PTCHD4: variants seen among roughly 807,000 people sequenced by gnomAD.
PTCHD4 encodes the protein patched domain-containing protein 4.
Under a neutral mutation model 58.1 loss-of-function variants are expected in PTCHD4, and 33 were observed. That is an observed-to-expected ratio of 0.57 (90% CI 0.43 to 0.76). The LOEUF (loss-of-function observed/expected upper bound fraction) is 0.76. Ranked by LOEUF, PTCHD4 falls within the 30% of genes least tolerant of loss-of-function variation. PTCHD4 has a pLI of 0.00. For missense variants in PTCHD4, 1,058 were observed against 1,027.1 expected (o/e 1.03, Z -0.41); for synonymous variants, 478 against 409.6 (o/e 1.17, Z -2.02).
At chr6:47,987,389 CTAAACT>C (rs979286413) in intron 4 of PTCHD4, among the ~76,000 whole-genome samples, 1 of 149,212 alleles carries the variant, frequency 6.7e-6, no homozygotes, top group Non-Finnish European at 1.5e-5. Flanking sequence ...CACAAGTACC[CTAAACT>C]TAAAGTATAA....
At chr6:47,963,755 G>A (rs1767185897) in intron 4 of PTCHD4, among the ~76,000 whole-genome samples, 1 of 152,196 alleles carries the variant, frequency 6.6e-6, no homozygotes, top group African/African-American at 2.4e-5. Context: ...ACCCACTCAA[G>A]TGTGCTGATT....
chr6:47,983,110 G>A (rs1378084747), intron 4 of PTCHD4, among the ~76,000 whole-genome samples: 2 of 152,124 alleles, frequency 1.3e-5, no homozygotes, highest in Admixed American at 6.5e-5. Context: ...ATTTCTGCAA[G>A]TTAGGGTAAA....
At chr6:47,961,591 GCTAACAAAGTAAATTT>G (rs1422155907) in intron 4 of PTCHD4, among the ~76,000 whole-genome samples, 1 of 152,002 alleles carries the variant, frequency 6.6e-6, no homozygotes, top group Non-Finnish European at 1.5e-5. Flanking sequence ...ACCTTGCCTG[GCTAACAAAGTAAATTT>G]CAATGTAAAG....
intron 4 of PTCHD4, among the ~76,000 whole-genome samples, chr6:47,894,080 C>G (rs1764458615): frequency 6.6e-6 from 1 of 152,200 alleles, no homozygotes; most frequent in South Asian, 2.1e-4. Flanking sequence ...GGGCAGCCAG[C>G]TGAGTTCTAT....
chr6:48,067,147 T>C (rs1282501440), intron 3 of PTCHD4, among the ~76,000 whole-genome samples: 1 of 152,196 alleles, frequency 6.6e-6, no homozygotes, highest in Non-Finnish European at 1.5e-5. Context: ...AATGGTGCAG[T>C]GACTCTTTTG....
intron 4 of PTCHD4, among the ~76,000 whole-genome samples, chr6:47,940,532 A>C (rs1766174785): frequency 6.6e-6 from 1 of 152,228 alleles, no homozygotes; most frequent in African/African-American, 2.4e-5. Flanking sequence ...TTATACCATA[A>C]AGCATTAGCC....
intron 1 of PTCHD4, among the ~76,000 whole-genome samples, chr6:48,073,403 C>T (rs1468515372): frequency 6.6e-6 from 1 of 152,136 alleles, no homozygotes; most frequent in Admixed American, 6.5e-5. Context: ...ATTATTTGGT[C>T]CTGTTTGTTC....
intron 4 of PTCHD4, among the ~76,000 whole-genome samples, chr6:47,891,410 C>T (rs940354723): frequency 1.3e-5 from 2 of 151,574 alleles, no homozygotes; most frequent in Admixed American, 6.6e-5. Flanking sequence ...CGGCATGAAC[C>T]GAGACAAAAC....
intron 1 of PTCHD4, among the ~76,000 whole-genome samples, chr6:48,071,385 A>G (rs1415121787): frequency 6.6e-6 from 1 of 152,216 alleles, no homozygotes; most frequent in East Asian, 1.9e-4. Flanking sequence ...ACTGAATGTT[A>G]ACTGAAGAAT....
intron 4 of PTCHD4, among the ~76,000 whole-genome samples, chr6:47,999,264 C>A (rs546168772): frequency 2.0e-5 from 3 of 152,162 alleles, no homozygotes; most frequent in African/African-American, 7.2e-5. Context: ...GACTCCAAGT[C>A]GTCTGACTCT....
chr6:48,105,093 C>T (rs1411754019), intron 1 of PTCHD4, among the ~76,000 whole-genome samples: 1 of 152,130 alleles, frequency 6.6e-6, no homozygotes, highest in Non-Finnish European at 1.5e-5. Flanking sequence ...AGCTCTGCAC[C>T]AAGCAGACCT....
intron 3 of PTCHD4, among the ~76,000 whole-genome samples, chr6:48,027,938 T>C (rs1008370333): frequency 3.3e-5 from 5 of 151,994 alleles, no homozygotes; most frequent in Non-Finnish European, 5.9e-5. Context: ...GTGGTTTTTT[T>C]GTTCTGGTTT....
At chr6:47,907,755 G>C (rs1764942853) in intron 4 of PTCHD4, among the ~76,000 whole-genome samples, 1 of 152,156 alleles carries the variant, frequency 6.6e-6, no homozygotes, top group African/African-American at 2.4e-5. Flanking sequence ...CCCCTGTGCT[G>C]CTGGCAAAGG....
intron 4 of PTCHD4, among the ~76,000 whole-genome samples, chr6:47,941,732 A>G (rs889992131): frequency 6.6e-6 from 1 of 152,198 alleles, no homozygotes; most frequent in African/African-American, 2.4e-5. Flanking sequence ...GATAGTACCT[A>G]CCTTACAGGG....
At chr6:47,880,556 TA>T (rs1763990379) in intron 4 of PTCHD4, among the ~76,000 whole-genome samples, 1 of 151,996 alleles carries the variant, frequency 6.6e-6, no homozygotes, top group African/African-American at 2.4e-5. Flanking sequence ...CCACGTCACA[TA>T]AAAGACAGGG....
intron 4 of PTCHD4, among the ~76,000 whole-genome samples, chr6:47,996,810 C>T (rs552298853): frequency 6.6e-6 from 1 of 152,296 alleles, no homozygotes; most frequent in East Asian, 1.9e-4. Context: ...CTTCATCACC[C>T]AATCACTTTC....
chr6:47,992,936 T>C (rs1046627624), intron 4 of PTCHD4, among the ~76,000 whole-genome samples: 2 of 152,094 alleles, frequency 1.3e-5, no homozygotes, highest in South Asian at 2.1e-4. Flanking sequence ...GAGAAGGGAA[T>C]ACTTGGAAAG....
chr6:48,086,093 A>G (rs1765259032), intron 1 of PTCHD4, among the ~76,000 whole-genome samples: 1 of 152,206 alleles, frequency 6.6e-6, no homozygotes, highest in Admixed American at 6.5e-5. Flanking sequence ...TTGTGTCACT[A>G]TGATTTACAG....
chr6:48,057,589 GA>G (rs35895868), intron 3 of PTCHD4, among the ~76,000 whole-genome samples: 1 of 152,162 alleles, frequency 6.6e-6, no homozygotes, highest in South Asian at 2.1e-4. Flanking sequence ...AAGCTCCATG[GA>G]AAAAGTGGCT....
Sources: gnomAD v4.1 joint callset for allele counts (sites outside exome capture counted in the v4.1 genomes callset) on GRCh38, gnomAD v4.1.1 for gene constraint, MANE v1.5 for transcripts, NCBI Gene and HGNC (gene_info 2026-07-23, HGNC 2026-07-21) for gene names.